The following RNF166 variants were observed in gnomAD, a reference collection of about 807,000 sequenced individuals.
RNF166 encodes ring finger protein 166.
In RNF166, 19 loss-of-function variants were observed where a neutral mutation model predicts 29.4. That is an observed-to-expected ratio of 0.65 (90% CI 0.45 to 0.95). RNF166 has a LOEUF of 0.95. Among genes scored for constraint, RNF166 ranks in the 40% least tolerant of loss-of-function variants. The probability of loss-of-function intolerance (pLI) is 0.00; values close to 1 mark genes in which losing one functional copy is unlikely to be tolerated. For missense variants in RNF166, 347 were observed against 322.1 expected (o/e 1.08, Z -0.59); for synonymous variants, 171 against 134.5 (o/e 1.27, Z -1.88).
chr16:88,703,549 G>A, intron 1 of RNF166: 4 of 985,464 alleles, frequency 4.1e-6, no homozygotes, highest in Non-Finnish European at 4.8e-6. Flanking sequence ...CACCCACAGG[G>A]TGGGTGCTCT....
At chr16:88,703,568 A>G in intron 1 of RNF166, 1 of 985,434 alleles carries the variant, frequency 1.0e-6, no homozygotes. Flanking sequence ...CTATCGGCCT[A>G]GTTTCCAGTG....
Position 88,706,170 on chromosome 16 carries a change from C to G in RNF166, c.155+1G>C. 8.0e-7 allele frequency: 1 copy of G among 1,246,856 alleles called. No homozygotes were observed. The highest frequency in any genetic ancestry group is 1.0e-6 in the Non-Finnish European group (1 of 991,196). The allele number at this position is 1,246,856 out of a possible 1,614,324, so 77.2% of individuals were successfully genotyped here. Reference sequence around the variant, plus strand: ...CGCGGCCCCTGGGCGGGCGCGCTCACGTGTGGCCGCAGCTGCCGATGGCCA... The same window carrying G: ...CGCGGCCCCTGGGCGGGCGCGCTCAGGTGTGGCCGCAGCTGCCGATGGCCA... On this transcript the variant is annotated splice_donor_variant, in intron 1 of 5. Coordinates refer to ENST00000312838, the MANE Select transcript of RNF166 (RefSeq NM_178841.4). LOFTEE classifies it high-confidence loss of function.
chr16:88,699,050 T>C lies in RNF166; in HGVS notation c.461A>G (p.Tyr154Cys), dbSNP rs1316122325. 6.2e-7 allele frequency: 1 copy of C among 1,610,978 alleles called. No homozygotes were observed. Among genetic ancestry groups the C allele is most frequent in the East Asian group, 2.2e-5 (1 of 44,822 alleles). ...IPNRSTFACP[Y>C]CGARNLDQQE... is the part of the protein sequence containing the mutation. ...CTGGTCCAGGTTGCGGGCACCACAG[T>C]ACGGGCAGGCGAAGGTGGACCTGTT... Residue 154 changes from tyrosine (Y) to cysteine (C), a missense_variant, in exon 4 of 6, where the codon TAC becomes TGC. Transcript: ENST00000312838.
intron 1 of RNF166, among the ~76,000 whole-genome samples, chr16:88,701,813 A>C (rs1910267457): frequency 6.6e-6 from 1 of 151,708 alleles, no homozygotes; most frequent in African/African-American, 2.4e-5. Flanking sequence ...GACTCTGGAA[A>C]CTCTCCCGGC....
At chr16:88,706,039 G>T in intron 1 of RNF166, 132 bp downstream of exon 1, 1 of 433,002 alleles carries the variant, frequency 2.3e-6, no homozygotes, top group Non-Finnish European at 3.1e-6. Flanking sequence ...GACCCCACGC[G>T]CCCCGAGGCC....
Position 88,699,613 on chromosome 16 carries a change from T to G in RNF166, c.425+7A>C. ...AGTTCCTCTCCCTTGCCCGGCAGCG[T>G]GCCTACCTGGGGATAGGCTGTGATG... On this transcript the variant is annotated splice_region_variant and intron_variant, in intron 3 of 5. Transcript: ENST00000312838. 3.1e-6 allele frequency: 5 copies of G among 1,602,644 alleles called. No individual in the cohort carries two copies. The highest frequency in any genetic ancestry group is 4.3e-6 in the Non-Finnish European group (5 of 1,170,746).
rs200350722 is a variant in RNF166, at chr16:88,699,044, C to G, written c.467G>C (p.Gly156Ala). Reference protein sequence around the residue: ...NRSTFACPYCGARNLDQQELV... With the variant: ...NRSTFACPYCAARNLDQQELV... ...CTCCTGCTGGTCCAGGTTGCGGGCA[C>G]CACAGTACGGGCAGGCGAAGGTGGA... Residue 156 changes from glycine (G) to alanine (A), a missense_variant, in exon 4 of 6, where the codon GGT (glycine) becomes GCT (alanine). By Grantham distance (60) the Gly-to-Ala change is moderately conservative. Coordinates refer to ENST00000312838, the MANE Select transcript of RNF166 (RefSeq NM_178841.4). 2.4e-5 allele frequency: 39 copies of G among 1,611,030 alleles called. No individual in the cohort carries two copies. Among genetic ancestry groups the G allele is most frequent in the Non-Finnish European group, 2.9e-5 (34 of 1,179,086 alleles).
At chr16:88,697,708 A>G (rs1909770263) in intron 5 of RNF166, 75 bp from the exon 6 acceptor site, 3 of 1,106,026 alleles carry the variant, frequency 2.7e-6, no homozygotes, top group Non-Finnish European at 4.0e-6. Context: ...CATCACCCAC[A>G]CAGGCGTGTC....
chr16:88,703,625 G>A (rs76206848), intron 1 of RNF166: 59,642 of 985,462 alleles, frequency 0.061, 1,901 homozygotes, highest in Middle Eastern at 0.08. Flanking sequence ...AGTAGTGCCC[G>A]CTTCCCCCAC....
intron 3 of RNF166, 36 bp downstream of exon 3, chr16:88,699,584 G>A (rs1241049287): frequency 6.5e-7 from 1 of 1,535,170 alleles, no homozygotes; most frequent in African/African-American, 1.4e-5. Context: ...AAACCGCCGA[G>A]GACAGTTCCT....
chr16:88,703,184 G>C, intron 1 of RNF166: 3 of 980,798 alleles, frequency 3.1e-6, no homozygotes, highest in Non-Finnish European at 3.6e-6. Flanking sequence ...CAGACGGGTG[G>C]GTGCCAGGCG....
At chr16:88,699,775 G>A in intron 2 of RNF166, 43 bp from the exon 3 acceptor site, 3 of 1,491,944 alleles carry the variant, frequency 2.0e-6, no homozygotes, top group Non-Finnish European at 2.8e-6. Flanking sequence ...CTGAGAATCT[G>A]GAAGGGCCGT....
At position 88,698,496 on chromosome 16, in the gene RNF166, G is replaced by A; in HGVS notation, c.648+6C>T. 2 of 1,556,148 alleles carry A rather than the reference G, an allele frequency of 1.3e-6. No individual in the cohort carries two copies. The highest frequency in any genetic ancestry group is 1.4e-5 in the African/African-American group (1 of 73,400). On this transcript the variant is annotated splice_donor_region_variant and intron_variant, in intron 5 of 5. Transcript: ENST00000312838. ...TGGGGGAGGACGGTGCTGGCGGGATGCCTACCACAAAGGTGTCGTAGGAGA... is the reference window on the plus strand; with the variant it reads ...TGGGGGAGGACGGTGCTGGCGGGATACCTACCACAAAGGTGTCGTAGGAGA...
chr16:88,701,053 GC>G (rs535582594), intron 2 of RNF166: 47 of 1,346,010 alleles, frequency 3.5e-5, no homozygotes, highest in East Asian at 1.0e-4. Context: ...CACCGGGCTG[GC>G]CCCCCCGTCA....
intron 2 of RNF166, 122 bp from the exon 3 acceptor site, chr16:88,699,854 G>A (rs1003594882): frequency 2.2e-5 from 14 of 640,068 alleles, no homozygotes; most frequent in Non-Finnish European, 3.5e-5. Context: ...GTTGCCAGCA[G>A]CAGGGGGACC....
intron 1 of RNF166, among the ~76,000 whole-genome samples, chr16:88,705,601 G>C (rs1413665959): frequency 1.3e-5 from 2 of 152,172 alleles, no homozygotes; most frequent in Non-Finnish European, 2.9e-5. Flanking sequence ...GCTCCTCTGT[G>C]GACCAGCCTG....
At chr16:88,703,687 G>A in intron 1 of RNF166, 1 of 985,518 alleles carries the variant, frequency 1.0e-6, no homozygotes, top group Non-Finnish European at 1.2e-6. Flanking sequence ...CAGCTTCTCA[G>A]CTGAAGGAAG....
At chr16:88,703,555 G>A (rs1192334324) in intron 1 of RNF166, 2 of 985,344 alleles carry the variant, frequency 2.0e-6, no homozygotes, top group Non-Finnish European at 2.4e-6. Flanking sequence ...CAGGGTGGGT[G>A]CTCTATCGGC....
intron 5 of RNF166, 143 bp downstream of exon 5, chr16:88,698,353 AGAACCT>A (rs1909842149): frequency 2.7e-6 from 2 of 742,750 alleles, no homozygotes; most frequent in African/African-American, 3.5e-5. Flanking sequence ...CAGCCCCCAC[AGAACCT>A]GGGGGAATGT....
Sources: gnomAD v4.1 joint callset for allele counts (sites outside exome capture counted in the v4.1 genomes callset) on GRCh38, gnomAD v4.1.1 for gene constraint, MANE v1.5 for transcripts, NCBI Gene and HGNC (gene_info 2026-07-23, HGNC 2026-07-21) for gene names.